The following TMEM132B variants were observed in gnomAD, a reference collection of about 807,000 sequenced individuals.
TMEM132B encodes the protein transmembrane protein 132B.
In TMEM132B, 18 loss-of-function variants were observed where a neutral mutation model predicts 90.8. The ratio of observed to expected loss-of-function variants is 0.20; its 90% CI spans 0.14 to 0.29. TMEM132B has a LOEUF of 0.29. TMEM132B is among the 10% of genes least tolerant of loss of function. TMEM132B has a pLI of 1.00. For missense variants in TMEM132B, 1,096 were observed against 1,326.8 expected, an observed-to-expected ratio of 0.83 and a Z score of 2.70; for synonymous variants, 504 against 523.3, an observed-to-expected ratio of 0.96 and a Z score of 0.50.
At chr12:125,520,740 C>G (rs1883287142) in intron 4 of TMEM132B, among the ~76,000 whole-genome samples, 1 of 152,186 alleles carries the variant, frequency 6.6e-6, no homozygotes, top group African/African-American at 2.4e-5. Context: ...CATTTTCTGT[C>G]TTCCTCCCCA....
intron 1 of TMEM132B, chr12:125,326,765 C>A: frequency 7.5e-7 from 1 of 1,334,080 alleles, no homozygotes; most frequent in East Asian, 2.5e-5. Context: ...TCAGATTCTC[C>A]CTTTGCAGCA....
chr12:125,497,734 T>C (rs1489052200), intron 3 of TMEM132B, among the ~76,000 whole-genome samples: 1 of 152,208 alleles, frequency 6.6e-6, no homozygotes, highest in Non-Finnish European at 1.5e-5. Flanking sequence ...ATTTCTGAGA[T>C]GTTATTGATC....
At chr12:125,561,063 A>G (rs1382774480) in intron 4 of TMEM132B, among the ~76,000 whole-genome samples, 1 of 152,280 alleles carries the variant, frequency 6.6e-6, no homozygotes, top group East Asian at 1.9e-4. Flanking sequence ...CTATAAAGAC[A>G]CATGCACACA....
intron 1 of TMEM132B, among the ~76,000 whole-genome samples, chr12:125,348,384 T>A (rs1877433769): frequency 6.6e-6 from 1 of 152,208 alleles, no homozygotes; most frequent in Non-Finnish European, 1.5e-5. Flanking sequence ...TGGAGTGCAG[T>A]GGTGCAATCC....
chr12:125,338,433 AGT>A (rs1449326120), intron 1 of TMEM132B, among the ~76,000 whole-genome samples: 1 of 152,166 alleles, frequency 6.6e-6, no homozygotes, highest in African/African-American at 2.4e-5. Context: ...GGGTTAACTC[AGT>A]GTCGAGGAGT....
intron 2 of TMEM132B, among the ~76,000 whole-genome samples, chr12:125,414,575 G>T (rs1239930223): frequency 1.3e-5 from 2 of 152,096 alleles, no homozygotes; most frequent in Non-Finnish European, 2.9e-5. Context: ...AGAGGAGCTG[G>T]TCACCTTCCC....
intron 2 of TMEM132B, among the ~76,000 whole-genome samples, chr12:125,393,829 A>G (rs1300337527): frequency 6.6e-6 from 1 of 152,230 alleles, no homozygotes; most frequent in African/African-American, 2.4e-5. Flanking sequence ...GGACAAACCC[A>G]GGCACTGTCA....
At chr12:125,325,623 T>G (rs960031120) in intron 1 of TMEM132B, among the ~76,000 whole-genome samples, 8 of 152,076 alleles carry the variant, frequency 5.3e-5, no homozygotes, top group Non-Finnish European at 1.2e-4. Context: ...CTCATTTTTA[T>G]GTTAAGAAGG....
intron 3 of TMEM132B, among the ~76,000 whole-genome samples, chr12:125,488,958 A>T (rs1394212136): frequency 6.6e-6 from 1 of 152,244 alleles, no homozygotes; most frequent in Non-Finnish European, 1.5e-5. Flanking sequence ...TATTTTAAAG[A>T]TCTTCGGAAT....
intron 1 of TMEM132B, among the ~76,000 whole-genome samples, chr12:125,194,000 C>T (rs113093613): frequency 0.022 from 3,410 of 152,264 alleles, 50 homozygotes; most frequent in Admixed American, 0.035. Flanking sequence ...CATTCTCTGC[C>T]GGCTGGGGGC....
At chr12:125,357,116 AT>A (rs1877800552) in intron 2 of TMEM132B, among the ~76,000 whole-genome samples, 1 of 152,218 alleles carries the variant, frequency 6.6e-6, no homozygotes, top group African/African-American at 2.4e-5. Context: ...ATTGTGAGGC[AT>A]TGTTCCCAGA....
chr12:125,320,504 C>T (rs138700443), intron 1 of TMEM132B, among the ~76,000 whole-genome samples: 375 of 152,214 alleles, frequency 2.5e-3, no homozygotes, highest in Non-Finnish European at 4.0e-3. Flanking sequence ...CGGCCTGTTG[C>T]GCTGGAGAGG....
Position 125,250,516 on chromosome 12 carries a change from C to T in TMEM132B, c.67+63650C>T, listed in dbSNP as rs142626091. Among the ~76,000 whole-genome samples the T allele has an allele frequency of 3.3e-5, 5 of 152,330 alleles. No homozygotes were observed. In the East Asian group the frequency reaches 9.6e-4, roughly 29 times the overall value. ...CCTCTTGCTCACACTGCCCCCAGTCCAGGATCCTGCGCAGTCTCCAGCATG... is the reference window on the plus strand; with the variant it reads ...CCTCTTGCTCACACTGCCCCCAGTCTAGGATCCTGCGCAGTCTCCAGCATG... On this transcript the variant is annotated intron_variant, in intron 1 of 8. Transcript: ENST00000682704.
intron 4 of TMEM132B, among the ~76,000 whole-genome samples, chr12:125,555,959 A>G (rs1884375015): frequency 1.3e-5 from 2 of 152,246 alleles, no homozygotes; most frequent in South Asian, 4.1e-4. Context: ...ATCTACAAAA[A>G]TAACAGCAAC....
chr12:125,369,000 T>A (rs1002441308), intron 2 of TMEM132B, among the ~76,000 whole-genome samples: 1 of 152,072 alleles, frequency 6.6e-6, no homozygotes, highest in Non-Finnish European at 1.5e-5. Context: ...TAGGTATATC[T>A]CCTAATGCTA....
chr12:125,444,254 A>G (rs1459840462), intron 3 of TMEM132B, among the ~76,000 whole-genome samples: 3 of 152,212 alleles, frequency 2.0e-5, no homozygotes, highest in African/African-American at 7.2e-5. Context: ...TGAAAAATTG[A>G]AAAACATGAA....
chr12:125,283,366 C>T (rs1224757467), intron 1 of TMEM132B, among the ~76,000 whole-genome samples: 1 of 151,944 alleles, frequency 6.6e-6, no homozygotes, highest in Non-Finnish European at 1.5e-5. Context: ...TATTATATTC[C>T]GGAAAGCTAT....
Position 125,246,600 on chromosome 12 carries a change from C to G in TMEM132B, c.67+59734C>G, listed in dbSNP as rs754249831. ...ATGCGAGACTTCAGGACAAGTTCAGCGTCTCCAGCACACACAGTGCCATTT... is the reference window on the plus strand; with the variant it reads ...ATGCGAGACTTCAGGACAAGTTCAGGGTCTCCAGCACACACAGTGCCATTT... On this transcript the variant is annotated intron_variant, in intron 1 of 8. Coordinates refer to ENST00000682704, the MANE Select transcript of TMEM132B (RefSeq NM_001366854.1). This position sits in a 1 kb window ranked among gnomAD's most constrained non-coding sequence, Gnocchi z 4.2. 1.1e-4 allele frequency among the ~76,000 whole-genome samples: 16 copies of G among 152,200 alleles called. No homozygotes were observed. Among genetic ancestry groups the G allele is most frequent in the Non-Finnish European group, 1.9e-4 (13 of 68,038 alleles).
chr12:125,337,531 C>G lies in TMEM132B; in HGVS notation c.68-11921C>G, dbSNP rs140984147. 8.2e-4 allele frequency among the ~76,000 whole-genome samples: 125 copies of G among 152,190 alleles called. 1 individual carries two copies. The highest frequency in any genetic ancestry group is 2.9e-3 in the African/African-American group (121 of 41,518). On this transcript the variant is annotated intron_variant, in intron 1 of 8. Coordinates refer to ENST00000682704, the MANE Select transcript of TMEM132B (RefSeq NM_001366854.1). ...TCCTGCTTCTCTTTCAAGAAGAAGTCTTGTGGCCATACGTGGATACAGGAG... is the reference window on the plus strand; with the variant it reads ...TCCTGCTTCTCTTTCAAGAAGAAGTGTTGTGGCCATACGTGGATACAGGAG...
Sources: gnomAD v4.1 joint callset for allele counts (sites outside exome capture counted in the v4.1 genomes callset) on GRCh38, gnomAD v4.1.1 for gene constraint, Gnocchi (gnomAD v3.1) non-coding constraint, MANE v1.5 for transcripts, NCBI Gene and HGNC (gene_info 2026-07-23, HGNC 2026-07-21) for gene names.